ACKR3: variants seen among roughly 807,000 people sequenced by gnomAD.
ACKR3 encodes the protein atypical chemokine receptor 3.
ACKR3 carries 6 observed loss-of-function variants against 22.4 expected under a neutral mutation model. The observed-to-expected ratio is 0.27, with a 90% confidence interval of 0.15 to 0.53. The LOEUF (loss-of-function observed/expected upper bound fraction) is 0.53, where lower values mean the gene tolerates loss of function less well. Among genes scored for constraint, ACKR3 ranks in the 20% least tolerant of loss-of-function variants. The pLI is 0.96. For synonymous variants in ACKR3, 209 were observed against 205.2 expected, an observed-to-expected ratio of 1.02 and a Z score of -0.16; for missense variants, 396 against 475.2, an observed-to-expected ratio of 0.83 and a Z score of 1.55.
chr2:236,567,556 G>A (rs1343007523), upstream of ACKR3, among the ~76,000 whole-genome samples: 1 of 152,146 alleles, frequency 6.6e-6, no homozygotes, highest in African/African-American at 2.4e-5. Flanking sequence ...TTACCCTCTC[G>A]TTTTCCCCCA....
the ACKR3 span, among the ~76,000 whole-genome samples, chr2:236,537,490 C>G: frequency 3.3e-5 from 5 of 152,188 alleles, no homozygotes; most frequent in African/African-American, 1.2e-4. Flanking sequence ...GCAGGTTCAT[C>G]ATTTTTATTA....
the ACKR3 span, among the ~76,000 whole-genome samples, chr2:236,550,563 C>T: frequency 1.3e-5 from 2 of 152,098 alleles, no homozygotes; most frequent in African/African-American, 2.4e-5. The surrounding 1 kb of genome is among the most constrained non-coding windows in gnomAD (Gnocchi z 4.6). Context: ...GGTGAGCAGG[C>T]CTGAGACTTA....
In ACKR3 at chr2:236,580,804, C is replaced by T. The variant is rs762709549; in HGVS notation, c.339C>T (p.Gly113=). 3.4e-5 allele frequency: 55 copies of T among 1,614,092 alleles called. No homozygotes were observed. In the African/African-American group the frequency reaches 4.8e-4, roughly 14 times the overall value. The change falls in exon 2 of 2, where the codon GGC becomes GGT. Residue 113 remains glycine, a synonymous_variant. Coordinates refer to ENST00000272928, the MANE Select transcript of ACKR3 (RefSeq NM_020311.3). ...SLVQHNQWPM[G]ELTCKVTHLI... is the part of the protein sequence containing the mutation. ...TGCAGCACAACCAGTGGCCCATGGGCGAGCTCACGTGCAAAGTCACACACC... is the reference window on the plus strand; with the variant it reads ...TGCAGCACAACCAGTGGCCCATGGGTGAGCTCACGTGCAAAGTCACACACC...
chr2:236,553,448 C>T, the ACKR3 span, among the ~76,000 whole-genome samples: 1 of 152,198 alleles, frequency 6.6e-6, no homozygotes, highest in Non-Finnish European at 1.5e-5. Context: ...ATGGAAAAGC[C>T]AATAAAGAAA....
At chr2:236,546,994 TC>T in the ACKR3 span, among the ~76,000 whole-genome samples, 3 of 152,188 alleles carry the variant, frequency 2.0e-5, no homozygotes, top group Non-Finnish European at 1.5e-5. This position sits in a 1 kb window ranked among gnomAD's most constrained non-coding sequence, Gnocchi z 4.9. Context: ...GAACAGTACA[TC>T]CTCTCTTGTC....
At chr2:236,557,072 G>C in the ACKR3 span, among the ~76,000 whole-genome samples, 1 of 152,182 alleles carries the variant, frequency 6.6e-6, no homozygotes, top group Non-Finnish European at 1.5e-5. Flanking sequence ...CAATGGGACT[G>C]AGCAAATAAA....
chr2:236,544,364 G>C, the ACKR3 span, among the ~76,000 whole-genome samples: 5,014 of 152,228 alleles, frequency 0.033, 273 homozygotes, highest in African/African-American at 0.12. This position sits in a 1 kb window ranked among gnomAD's most constrained non-coding sequence, Gnocchi z 5.0. Context: ...ATGGGGGGAA[G>C]GCATTCAGTT....
chr2:236,556,968 A>G, the ACKR3 span, among the ~76,000 whole-genome samples: 7 of 152,172 alleles, frequency 4.6e-5, no homozygotes, highest in Non-Finnish European at 5.9e-5. Context: ...GATTACAGAC[A>G]TGAGCCACTG....
At chr2:236,573,424 C>A (rs1691349198) in intron 1 of ACKR3, among the ~76,000 whole-genome samples, 1 of 152,200 alleles carries the variant, frequency 6.6e-6, no homozygotes, top group African/African-American at 2.4e-5. Context: ...CACAAGCGCA[C>A]CATAACCCAG....
rs376523573 is a variant in ACKR3 at position 236,577,707 on chromosome 2, G to A, written c.-26-2733G>A. On this transcript the variant is annotated intron_variant, in intron 1 of 1. Transcript: ENST00000272928. This position sits in a 1 kb window ranked among gnomAD's most constrained non-coding sequence, Gnocchi z 5.6. ...TGAGCCAGAGGAATGTCACCATGGT[G>A]GGGGAGAGAGGTGGGGCGGATTCGG... Among the ~76,000 whole-genome samples, 4 of 152,160 alleles carry A rather than the reference G, an allele frequency of 2.6e-5. No homozygotes were observed. Among genetic ancestry groups the A allele is most frequent in the Admixed American group, 6.5e-5 (1 of 15,280 alleles).
the ACKR3 span, among the ~76,000 whole-genome samples, chr2:236,553,122 T>C: frequency 6.6e-6 from 1 of 152,274 alleles, no homozygotes. Context: ...GCGGAGGAGA[T>C]CCAGTTGCCT....
the ACKR3 span, among the ~76,000 whole-genome samples, chr2:236,555,919 T>C: frequency 1.3e-5 from 2 of 152,282 alleles, no homozygotes; most frequent in East Asian, 3.9e-4. Context: ...GGGAATTTGT[T>C]GTGAAGGATG....
chr2:236,581,133 T>C lies in ACKR3; in HGVS notation c.668T>C (p.Val223Ala). Residue 223 changes from valine (V) to alanine (A), a missense_variant, in exon 2 of 2, where the codon GTT becomes GCT. Transcript: ENST00000272928. This position sits in a 1 kb window ranked among gnomAD's most constrained non-coding sequence, Gnocchi z 4.4. Reference sequence around the variant, plus strand: ...GTCTCCGTTGTCTTGGGCTTTGCCGTTCCCTTCTCCATTATCGCTGTCTTC... The same window carrying C: ...GTCTCCGTTGTCTTGGGCTTTGCCGCTCCCTTCTCCATTATCGCTGTCTTC... Reference protein sequence around the residue: ...ELVSVVLGFAVPFSIIAVFYF... With the variant: ...ELVSVVLGFAAPFSIIAVFYF... 2 of 1,614,246 alleles carry C rather than the reference T, an allele frequency of 1.2e-6. No individual in the cohort carries two copies. The highest frequency in any genetic ancestry group is 1.7e-6 in the Non-Finnish European group (2 of 1,180,054).
chr2:236,560,751 A>G, the ACKR3 span, among the ~76,000 whole-genome samples: 1 of 152,130 alleles, frequency 6.6e-6, no homozygotes, highest in Admixed American at 6.5e-5. Flanking sequence ...AATCAATGTC[A>G]TGAAGCTTCT....
chr2:236,544,287 G>A, the ACKR3 span, among the ~76,000 whole-genome samples: 2 of 151,976 alleles, frequency 1.3e-5, no homozygotes, highest in African/African-American at 2.4e-5. The surrounding 1 kb of genome is among the most constrained non-coding windows in gnomAD (Gnocchi z 5.0). Flanking sequence ...CGCGCCCGGA[G>A]GGGTTCATAT....
At chr2:236,565,635 C>T (rs1691162616), upstream of ACKR3, among the ~76,000 whole-genome samples, 2 of 152,184 alleles carry the variant, frequency 1.3e-5, no homozygotes, top group African/African-American at 4.8e-5. Context: ...GGCTCCTGTG[C>T]TGCGTGAAGT....
chr2:236,558,901 TGTA>T, the ACKR3 span, among the ~76,000 whole-genome samples: 1 of 152,210 alleles, frequency 6.6e-6, no homozygotes, highest in Non-Finnish European at 1.5e-5. Context: ...CCCAAATAAT[TGTA>T]GTAGATATAT....
chr2:236,558,253 G>C, the ACKR3 span, among the ~76,000 whole-genome samples: 4 of 152,148 alleles, frequency 2.6e-5, no homozygotes, highest in Admixed American at 2.6e-4. Flanking sequence ...GTAGCCTATG[G>C]GCCGCTGCTA....
the ACKR3 span, among the ~76,000 whole-genome samples, chr2:236,543,698 C>T: frequency 3.5e-4 from 53 of 151,822 alleles, no homozygotes; most frequent in African/African-American, 1.2e-3. Flanking sequence ...GGAGTCACTA[C>T]GCTGGATGTT....
Sources: gnomAD v4.1 joint callset for allele counts (sites outside exome capture counted in the v4.1 genomes callset) on GRCh38, gnomAD v4.1.1 for gene constraint, Gnocchi (gnomAD v3.1) non-coding constraint, MANE v1.5 for transcripts, NCBI Gene and HGNC (gene_info 2026-07-23, HGNC 2026-07-21) for gene names.